The following MYO15A variants were observed in gnomAD, a reference collection of about 807,000 sequenced individuals.
MYO15A encodes the protein myosin XVA.
MYO15A carries 308 observed loss-of-function variants against 394.6 expected under a neutral mutation model. The observed-to-expected ratio is 0.78, with a 90% confidence interval of 0.71 to 0.86. The LOEUF (loss-of-function observed/expected upper bound fraction) is 0.86. Ranked by LOEUF, MYO15A falls within the 40% of genes least tolerant of loss-of-function variation. The probability of loss-of-function intolerance (pLI) is 0.00; values close to 1 mark genes in which losing one functional copy is unlikely to be tolerated. For synonymous variants in MYO15A, 1,957 were observed against 2,003.8 expected (o/e 0.98, Z 0.62); for missense variants, 4,606 against 4,799.1 (o/e 0.96, Z 1.19).
intron 65 of MYO15A, 82 bp from the exon 66 acceptor site, chr17:18,178,687 A>G (rs1172077659): frequency 3.0e-6 from 4 of 1,349,712 alleles, no homozygotes; most frequent in Admixed American, 3.4e-5. Context: ...TCTCCCAACC[A>G]CCTCTCCATT....
At chr17:18,168,588 A>T (rs2046890548) in intron 62 of MYO15A, among the ~76,000 whole-genome samples, 1 of 151,318 alleles carries the variant, frequency 6.6e-6, no homozygotes, top group South Asian at 2.1e-4. Flanking sequence ...AAAGAAAGAA[A>T]AGAAACAGGG....
rs911794578 is a variant in MYO15A at position 18,151,374 on chromosome 17, C to T, written c.7655-21C>T. The T allele has an allele frequency of 9.3e-6, 15 of 1,614,078 alleles. No homozygotes were observed. The African/African-American group carries it at 1.1e-4, about 11-fold the overall frequency. On this transcript the variant is annotated intron_variant, in intron 39 of 65. Coordinates refer to ENST00000647165, the MANE Select transcript of MYO15A (RefSeq NM_016239.4). Reference sequence around the variant, plus strand: ...GCCCCTTGTGGCCTCACCCTGTTCCCACCGCGCCCCTTGCCCACAGCTTCA... The same window carrying T: ...GCCCCTTGTGGCCTCACCCTGTTCCTACCGCGCCCCTTGCCCACAGCTTCA...
chr17:18,128,963 T>C (rs1395129193), intron 7 of MYO15A, among the ~76,000 whole-genome samples: 2 of 152,116 alleles, frequency 1.3e-5, no homozygotes, highest in Non-Finnish European at 2.9e-5. Flanking sequence ...TAGACATGGC[T>C]CTTCCCTCCT....
At chr17:18,133,079 C>A in intron 11 of MYO15A, 146 bp from the exon 12 acceptor site, 1 of 810,150 alleles carries the variant, frequency 1.2e-6, no homozygotes, top group Non-Finnish European at 2.0e-6. Flanking sequence ...CTCAGCCGTG[C>A]TCAGAGCCTC....
At chr17:18,125,145 G>A (rs1382551062) in intron 3 of MYO15A, 23 bp from the exon 4 acceptor site, 34 of 1,613,260 alleles carry the variant, frequency 2.1e-5, no homozygotes, top group Non-Finnish European at 2.6e-5. Context: ...GGGCACTGAC[G>A]GCTTCTCTCT....
chr17:18,116,976 A>G (rs887739117), intron 1 of MYO15A, among the ~76,000 whole-genome samples: 1 of 151,582 alleles, frequency 6.6e-6, no homozygotes, highest in African/African-American at 2.4e-5. Flanking sequence ...TTTTTCCTCA[A>G]GCGGGCAAGA....
At chr17:18,156,088 G>A (rs2142383917) in intron 47 of MYO15A, 107 bp from the exon 48 acceptor site, 4 of 1,568,264 alleles carry the variant, frequency 2.6e-6, no homozygotes, top group Non-Finnish European at 3.5e-6. Flanking sequence ...ATGGGGCCAA[G>A]GTGGGGCTGG....
chr17:18,137,875 C>A, intron 16 of MYO15A, 196 bp downstream of exon 16: 1 of 841,678 alleles, frequency 1.2e-6, no homozygotes, highest in South Asian at 1.6e-5. Context: ...GTGCTGTGCT[C>A]AGAGAGGAGT....
In MYO15A at chr17:18,139,597, C is replaced by A. The variant is rs369755064; in HGVS notation, c.5197C>A (p.Arg1733=). 111 of 1,614,008 alleles carry A rather than the reference C, an allele frequency of 6.9e-5. No individual in the cohort carries two copies. The South Asian group carries it at 7.5e-4, about 11-fold the overall frequency. The change falls in exon 19 of 66, where the codon CGG becomes AGG. Residue 1733 remains arginine (R), a synonymous_variant. Transcript: ENST00000647165. ...CCAGGATGTGCTGGACCTGTTCGTACGGAGCCGGACACGGGTAAGCCTCGC... is the reference window on the plus strand; with the variant it reads ...CCAGGATGTGCTGGACCTGTTCGTAAGGAGCCGGACACGGGTAAGCCTCGC... The part of the protein sequence containing the change: ...VRQDVLDLFV[R]SRTRVVAHLF...
chr17:18,160,813 G>A, intron 56 of MYO15A: 1 of 291,666 alleles, frequency 3.4e-6, no homozygotes, highest in Non-Finnish European at 6.8e-6. Flanking sequence ...TGCAGGGCCA[G>A]CACACAGTAC....
At position 18,131,295 on chromosome 17, in the gene MYO15A, C is replaced by T. The variant is rs762120143; in HGVS notation, c.4095C>T (p.Asn1365=). 5 of 1,613,956 alleles carry T rather than the reference C, an allele frequency of 3.1e-6. No homozygotes were observed. Among genetic ancestry groups the T allele is most frequent in the East Asian group, 4.5e-5 (2 of 44,884 alleles). ...TCGGTAATGCCAAAACCGTCAGGAA[C>T]GACAACTCCAGCCGCTTTGGGAAGT... ...ESFGNAKTVR[N]DNSSRFGKFV... is the part of the protein sequence containing the mutation. The change falls in exon 9 of 66, where the codon AAC becomes AAT. Residue 1365 remains asparagine (N), a synonymous_variant. Transcript: ENST00000647165.
rs1751804718 is a variant in MYO15A at position 18,118,691 on chromosome 17, G to A, written c.-110G>A. 1.9e-6 allele frequency: 3 copies of A among 1,558,470 alleles called. No individual in the cohort carries two copies. The highest frequency in any genetic ancestry group is 1.4e-5 in the African/African-American group (1 of 73,458). ...GGCCAGTCGGGTCTGCTCACAGCCC[G>A]AGGAGGCCGCGTGTCCAGCCGCGGG... On this transcript the variant is annotated 5_prime_UTR_variant, in exon 2 of 66. Transcript: ENST00000647165.
At chr17:18,143,515 G>A (rs1015908176) in intron 25 of MYO15A, 51 bp from the exon 26 acceptor site, 23 of 1,546,644 alleles carry the variant, frequency 1.5e-5, no homozygotes, top group Admixed American at 1.2e-4. Flanking sequence ...CCTGGGTGCC[G>A]GTCGTCACCT....
Position 18,148,187 on chromosome 17 carries a change from C to A in MYO15A, c.6668C>A (p.Ala2223Glu), listed in dbSNP as rs532392396. Residue 2223 changes from alanine to glutamate, a missense_variant, in exon 31 of 66, where the codon GCG becomes GAG. By Grantham distance (107) the Ala-to-Glu change is moderately radical (BLOSUM62 -1). Around this residue, in one of 2 missense-constraint regions of MYO15A, gnomAD observed 2,776 missense variants for 3,109.3 expected, o/e 0.89. Coordinates refer to ENST00000647165, the MANE Select transcript of MYO15A (RefSeq NM_016239.4). This position sits in a 1 kb window ranked among gnomAD's most constrained non-coding sequence, Gnocchi z 4.8. ...GCGACCTATGAGAAGGCCAGCATGG[C>A]GCTGGACGTGGGCTGCTTCAATGGT... ...WTATYEKASMALDVGCFNGDQ... is the reference protein window; with the variant it reads ...WTATYEKASMELDVGCFNGDQ... The A allele has an allele frequency of 6.2e-7, 1 of 1,613,618 alleles. No homozygotes were observed.
At chr17:18,143,175 A>G (rs1423953011) in intron 25 of MYO15A, among the ~76,000 whole-genome samples, 1 of 152,188 alleles carries the variant, frequency 6.6e-6, no homozygotes, top group Non-Finnish European at 1.5e-5. Flanking sequence ...ACCCACTGTC[A>G]TGCAAACTAG....
rs757746869 is a variant in MYO15A, at chr17:18,144,050, A to G, written c.6177+50A>G. 13 of 1,611,494 alleles carry G rather than the reference A, an allele frequency of 8.1e-6. No homozygotes were observed. The South Asian group carries it at 1.4e-4, about 18-fold the overall frequency. On this transcript the variant is annotated intron_variant, in intron 28 of 65. Coordinates refer to ENST00000647165, the MANE Select transcript of MYO15A (RefSeq NM_016239.4). ...CTCCCTGGCTGATAGGCGCTGACCA[A>G]TTAGAATGGACATTGTCCTTGCCCT...
At chr17:18,122,791 C>T in intron 2 of MYO15A, 1 of 216,900 alleles carries the variant, frequency 4.6e-6, no homozygotes. Context: ...ACATGCCTAT[C>T]CATCCTGTTC....
At chr17:18,140,453 TTCCTCC>T in intron 19 of MYO15A, 58 bp from the exon 20 acceptor site, 1 of 1,608,668 alleles carries the variant, frequency 6.2e-7, no homozygotes, top group Non-Finnish European at 8.5e-7. Context: ...CTGCTCTCTC[TTCCTCC>T]TCATTTCGGT....
Position 18,172,232 on chromosome 17 carries a change from C to T in MYO15A, c.10292C>T (p.Ala3431Val), listed in dbSNP as rs1233375594. 8 of 1,614,228 alleles carry T rather than the reference C, an allele frequency of 5.0e-6. No individual in the cohort carries two copies. The highest frequency in any genetic ancestry group is 1.1e-5 in the South Asian group (1 of 91,088). ...AGCTGCAGCAACATTGCTGTGCCAG[C>T]CCCTTGCATCCTTGCCATCAACCAC... ...IQSCSNIAVPAPCILAINHNG... is the reference protein window; with the variant it reads ...IQSCSNIAVPVPCILAINHNG... The change falls in exon 64 of 66, where the codon GCC (alanine) becomes GTC (valine). Residue 3431 changes from alanine to valine, a missense_variant. Transcript: ENST00000647165.
Sources: allele counts gnomAD v4.1 joint callset (sites outside exome capture counted in the v4.1 genomes callset), GRCh38; gene constraint gnomAD v4.1.1; regional missense constraint gnomAD v4.1.1; non-coding constraint Gnocchi (gnomAD v3.1); transcripts MANE v1.5; gene names NCBI Gene and HGNC (gene_info 2026-07-23, HGNC 2026-07-21).